KATNAL2: variants seen among roughly 807,000 people sequenced by gnomAD.
KATNAL2 encodes katanin p60 ATPase-containing subunit A-like 2.
Under a neutral mutation model 76.3 loss-of-function variants are expected in KATNAL2, and 52 were observed. The ratio of observed to expected loss-of-function variants is 0.68; its 90% CI spans 0.55 to 0.86. The LOEUF (loss-of-function observed/expected upper bound fraction) is 0.86, where lower values mean the gene tolerates loss of function less well. Ranked by LOEUF, KATNAL2 falls within the 40% of genes least tolerant of loss-of-function variation. The probability of loss-of-function intolerance (pLI) is 0.00; values close to 1 mark genes in which losing one functional copy is unlikely to be tolerated. For synonymous variants in KATNAL2, 243 were observed against 244.2 expected (o/e 1.00, Z 0.05); for missense variants, 660 against 668.9 (o/e 0.99, Z 0.15).
intron 15 of KATNAL2, among the ~76,000 whole-genome samples, chr18:47,089,667 C>T (rs1047259909): frequency 5.3e-5 from 8 of 152,176 alleles, no homozygotes; most frequent in African/African-American, 1.9e-4. Context: ...GAATCATCCC[C>T]TAAACTCATT....
At chr18:47,033,595 G>T in intron 3 of KATNAL2, 2 of 1,614,208 alleles carry the variant, frequency 1.2e-6, no homozygotes, top group Non-Finnish European at 1.7e-6. Context: ...TTCCAGAACA[G>T]GTTCAAGAAC....
chr18:46,948,803 C>G (rs763588556), intron 3 of KATNAL2, among the ~76,000 whole-genome samples: 4 of 151,940 alleles, frequency 2.6e-5, no homozygotes, highest in Non-Finnish European at 5.9e-5. Flanking sequence ...AGCCCCAGAC[C>G]AATGATCCAG....
chr18:46,932,712 T>TTTCGCA (rs1302249751), intron 1 of KATNAL2, among the ~76,000 whole-genome samples: 1 of 150,708 alleles, frequency 6.6e-6, no homozygotes, highest in African/African-American at 2.4e-5. Context: ...TCTTCACTCA[T>TTTCGCA]TTCGCAAGGC....
intron 3 of KATNAL2, chr18:47,033,669 C>G (rs766761382): frequency 5.6e-6 from 9 of 1,614,240 alleles, no homozygotes; most frequent in Non-Finnish European, 6.8e-6. Flanking sequence ...CCTGGGCACA[C>G]TGCTGGCGCA....
intron 1 of KATNAL2, among the ~76,000 whole-genome samples, chr18:46,920,509 T>C (rs544500607): frequency 6.6e-6 from 1 of 152,232 alleles, no homozygotes; most frequent in African/African-American, 2.4e-5. Context: ...GCCAGTTTTC[T>C]TGAGCCAATG....
At chr18:47,066,907 T>C (rs2061832234) in intron 10 of KATNAL2, 114 bp from the exon 11 acceptor site, 1 of 143,926 alleles carries the variant, frequency 6.9e-6, no homozygotes. Flanking sequence ...TGAACAGTTT[T>C]TATCACCAGC....
chr18:46,919,081 T>A (rs1054147462), intron 1 of KATNAL2, among the ~76,000 whole-genome samples: 3 of 151,706 alleles, frequency 2.0e-5, no homozygotes, highest in African/African-American at 4.8e-5. Flanking sequence ...CCAGGTGCAG[T>A]GGCTCATGCC....
At position 46,948,642 on chromosome 18, in the gene KATNAL2, G is replaced by A. The variant is rs554029906; in HGVS notation, c.51+1719G>A. Among the ~76,000 whole-genome samples the A allele has an allele frequency of 9.2e-5, 14 of 152,050 alleles. 1 individual carries two copies. The South Asian group carries it at 2.9e-3, about 32-fold the overall frequency. ...GGGGTTTCTCCATGTTGGTCAGGCA[G>A]GTCTTGAACTCCTGACCTCAGGTGA... On this transcript the variant is annotated intron_variant, in intron 3 of 17. Coordinates refer to ENST00000683218, the MANE Select transcript of KATNAL2 (RefSeq NM_001387690.1).
chr18:46,945,813 C>T (rs537348967), intron 1 of KATNAL2, among the ~76,000 whole-genome samples: 4 of 152,282 alleles, frequency 2.6e-5, no homozygotes, highest in Non-Finnish European at 5.9e-5. Context: ...TCAACAATTT[C>T]ACATGGTGCC....
At chr18:47,033,754 G>C in intron 3 of KATNAL2, 1 of 1,614,210 alleles carries the variant, frequency 6.2e-7, no homozygotes, top group Non-Finnish European at 8.5e-7. Context: ...TCTGCGTCCA[G>C]GGAAAGCAGC....
intron 3 of KATNAL2, among the ~76,000 whole-genome samples, chr18:46,961,716 G>A (rs1035987754): frequency 6.6e-6 from 1 of 152,156 alleles, no homozygotes; most frequent in African/African-American, 2.4e-5. Context: ...GACAGCAATT[G>A]CTCAAGTTGA....
chr18:47,065,564 G>A (rs2061765251), intron 10 of KATNAL2, among the ~76,000 whole-genome samples: 1 of 152,142 alleles, frequency 6.6e-6, no homozygotes, highest in Admixed American at 6.5e-5. Context: ...AGCTACCTGG[G>A]AGGCTGAGGC....
intron 3 of KATNAL2, among the ~76,000 whole-genome samples, chr18:46,959,457 C>T (rs540623782): frequency 1.2e-4 from 19 of 152,008 alleles, no homozygotes; most frequent in African/African-American, 2.7e-4. Context: ...ACTCTTGGAA[C>T]CTTTTTTTTA....
chr18:47,046,168 C>T (rs544478304), intron 3 of KATNAL2, among the ~76,000 whole-genome samples: 7 of 152,172 alleles, frequency 4.6e-5, no homozygotes, highest in South Asian at 4.2e-4. Context: ...TGTTTCTTCA[C>T]GATTATAAGC....
intron 1 of KATNAL2, among the ~76,000 whole-genome samples, chr18:46,945,672 C>G (rs184916653): frequency 2.6e-3 from 395 of 152,324 alleles, no homozygotes; most frequent in African/African-American, 9.3e-3. Context: ...GTTTGCATAA[C>G]TGCAAATTGG....
rs1282651801 is a variant in KATNAL2, at chr18:46,917,637, C to G, written c.-799C>G. 2 of 828,626 alleles carry G rather than the reference C, an allele frequency of 2.4e-6. No homozygotes were observed. Among genetic ancestry groups the G allele is most frequent in the Non-Finnish European group, 2.9e-6 (2 of 683,462 alleles). The allele number at this position is 828,626 out of a possible 1,614,324, so 51.3% of individuals were successfully genotyped here. ...GCGACAGCGCCCGCCCGCGCCTGCC[C>G]CGGCGTGCTGCCCCGCGGCTTGGCC... On this transcript the variant is annotated 5_prime_UTR_variant, in exon 1 of 18. Coordinates refer to ENST00000683218, the MANE Select transcript of KATNAL2 (RefSeq NM_001387690.1).
At chr18:47,045,497 A>G (rs1216109549) in intron 3 of KATNAL2, among the ~76,000 whole-genome samples, 1 of 151,714 alleles carries the variant, frequency 6.6e-6, no homozygotes, top group Non-Finnish European at 1.5e-5. Context: ...TAATTTTTGT[A>G]GTTTTTGTAG....
At chr18:47,049,972 A>G (rs1475922037) in intron 4 of KATNAL2, among the ~76,000 whole-genome samples, 5 of 152,162 alleles carry the variant, frequency 3.3e-5, no homozygotes, top group Non-Finnish European at 7.3e-5. Context: ...GTCTCATGCA[A>G]TCCTCCCACC....
chr18:47,066,847 TTA>T (rs56018747), intron 10 of KATNAL2, among the ~76,000 whole-genome samples, 172 bp from the exon 11 acceptor site: 1,594 of 29,438 alleles, frequency 0.054, 43 homozygotes, highest in Admixed American at 0.083. Context: ...ATATATGTGT[TTA>T]TATATATATA....
Sources: allele counts gnomAD v4.1 joint callset (sites outside exome capture counted in the v4.1 genomes callset), GRCh38; gene constraint gnomAD v4.1.1; transcripts MANE v1.5; gene names NCBI Gene and HGNC (gene_info 2026-07-23, HGNC 2026-07-21).